TNN: variants seen among roughly 807,000 people sequenced by gnomAD.
TNN encodes tenascin N, also known as tenascin-N.
Under a neutral mutation model 134.4 loss-of-function variants are expected in TNN, and 122 were observed. The ratio of observed to expected loss-of-function variants is 0.91; its 90% confidence interval spans 0.78 to 1.06. The LOEUF (loss-of-function observed/expected upper bound fraction) is 1.06. Among genes scored for constraint, TNN ranks in the 50% least tolerant of loss-of-function variants. TNN has a pLI of 0.00. For synonymous variants in TNN, 710 were observed against 670.3 expected, an observed-to-expected ratio of 1.06 and a Z score of -0.91; for missense variants, 1,739 against 1,699.4, an observed-to-expected ratio of 1.02 and a Z score of -0.41.
rs780919757 is a variant in TNN at position 175,128,648 on chromosome 1, A to C, written c.3232A>C (p.Asn1078His). Residue 1078 changes from asparagine to histidine, a missense_variant, in exon 15 of 19, where the codon AAT becomes CAT. Coordinates refer to ENST00000239462, the MANE Select transcript of TNN (RefSeq NM_022093.2). ...CTGCAGTCAGGTTCAGCAGAACAGC[A>C]ATGCCGCCAGTGGTCTGTACACCAT... is the stretch of plus-strand genomic sequence containing the variant. ...SDCSQVQQNS[N>H]AASGLYTIYL... 153 of 1,613,892 alleles carry C rather than the reference A, an allele frequency of 9.5e-5. 1 individual carries two copies. The highest frequency in any genetic ancestry group is 1.2e-4 in the Non-Finnish European group (145 of 1,179,954).
At chr1:175,102,552 C>A (rs1674751593) in intron 9 of TNN, among the ~76,000 whole-genome samples, 1 of 145,946 alleles carries the variant, frequency 6.9e-6, no homozygotes, top group Admixed American at 6.9e-5. Context: ...GGGTGCTAAG[C>A]CCCTCACTGC....
intron 9 of TNN, 90 bp from the exon 10 acceptor site, chr1:175,116,849 A>G: frequency 6.4e-7 from 1 of 1,565,474 alleles, no homozygotes; most frequent in Non-Finnish European, 8.8e-7. Flanking sequence ...CCATAAGAAC[A>G]GGAAACTGCC....
Position 175,077,760 on chromosome 1 carries a change from G to A in TNN, c.342G>A (p.Lys114=). ...SVQDLLARVK[K]LEEEMVEMKE... ...AGGACCTCCTGGCCCGGGTGAAGAAGCTGGAGGAAGAGATGGTGGAGATGA... is the reference window on the plus strand; with the variant it reads ...AGGACCTCCTGGCCCGGGTGAAGAAACTGGAGGAAGAGATGGTGGAGATGA... Residue 114 remains lysine, a synonymous_variant, in exon 2 of 19, where the codon AAG becomes AAA. Coordinates refer to ENST00000239462, the MANE Select transcript of TNN (RefSeq NM_022093.2). 1.9e-6 allele frequency: 3 copies of A among 1,614,250 alleles called. No homozygotes were observed. The highest frequency in any genetic ancestry group is 2.5e-6 in the Non-Finnish European group (3 of 1,180,044).
At chr1:175,089,891 G>A (rs1674402989) in intron 6 of TNN, among the ~76,000 whole-genome samples, 1 of 152,074 alleles carries the variant, frequency 6.6e-6, no homozygotes, top group African/African-American at 2.4e-5. Flanking sequence ...ATTTGAAATG[G>A]CTTAGCCCCT....
At chr1:175,133,784 CAG>C (rs1675731582) in intron 15 of TNN, among the ~76,000 whole-genome samples, 1 of 152,178 alleles carries the variant, frequency 6.6e-6, no homozygotes, top group African/African-American at 2.4e-5. Context: ...TGAACAAACA[CAG>C]TGTATTTTTC....
At chr1:175,121,701 GGA>G (rs1675380897) in intron 11 of TNN, among the ~76,000 whole-genome samples, 4 of 151,546 alleles carry the variant, frequency 2.6e-5, no homozygotes, top group African/African-American at 9.7e-5. Flanking sequence ...TTTGAGGTAT[GGA>G]TGATAATACC....
intron 17 of TNN, 134 bp from the exon 18 acceptor site, chr1:175,144,253 C>T (rs768967505): frequency 1.1e-4 from 87 of 784,104 alleles, no homozygotes; most frequent in Non-Finnish European, 1.4e-4. Flanking sequence ...TTTGAGAGAG[C>T]GGTGACTACC....
At chr1:175,095,264 G>A (rs1359582640) in intron 7 of TNN, among the ~76,000 whole-genome samples, 1 of 152,140 alleles carries the variant, frequency 6.6e-6, no homozygotes, top group Non-Finnish European at 1.5e-5. Context: ...TCTGTTTAAA[G>A]TCAAAGTCAG....
intron 5 of TNN, 118 bp from the exon 6 acceptor site, chr1:175,085,287 T>A (rs1426984288): frequency 1.5e-6 from 1 of 677,070 alleles, no homozygotes; most frequent in Non-Finnish European, 2.7e-6. Flanking sequence ...GATTCATCTT[T>A]GGAGGAGGAA....
chr1:175,119,712 G>T (rs1280693982), intron 11 of TNN, among the ~76,000 whole-genome samples: 1 of 143,576 alleles, frequency 7.0e-6, no homozygotes. Flanking sequence ...TCGGCTCACT[G>T]CAAGCTCCGC....
intron 7 of TNN, 21 bp downstream of exon 7, chr1:175,094,274 T>A (rs374890524): frequency 6.5e-7 from 1 of 1,535,634 alleles, no homozygotes. Flanking sequence ...GACGGGAGCA[T>A]AAATAGGTTT....
chr1:175,085,340 G>T, intron 5 of TNN, 65 bp from the exon 6 acceptor site: 1 of 973,876 alleles, frequency 1.0e-6, no homozygotes, highest in Non-Finnish European at 1.6e-6. Context: ...TCCCAGGGAG[G>T]AGTAGTGCTG....
chr1:175,112,280 G>T (rs1412755725), intron 9 of TNN, among the ~76,000 whole-genome samples: 1 of 151,948 alleles, frequency 6.6e-6, no homozygotes, highest in Non-Finnish European at 1.5e-5. Flanking sequence ...TTTATGTGAT[G>T]TGTCACATTT....
At position 175,077,701 on chromosome 1, in the gene TNN, C is replaced by A. The variant is rs1300453542; in HGVS notation, c.283C>A (p.Pro95Thr). ...CAGGCACAACATCCGCCTTCAGACGCCACAGAAGGACTGCGAGTTGGCAGG... is the reference window on the plus strand; with the variant it reads ...CAGGCACAACATCCGCCTTCAGACGACACAGAAGGACTGCGAGTTGGCAGG... ...IFRHNIRLQT[P>T]QKDCELAGSV... Residue 95 changes from proline to threonine, a missense_variant, in exon 2 of 19, where the codon CCA (proline) becomes ACA (threonine). Pro to Thr is a conservative substitution (Grantham distance 38, BLOSUM62 -1). Transcript: ENST00000239462. 1 of 1,614,252 alleles carries A rather than the reference C, an allele frequency of 6.2e-7. No homozygotes were observed. Among genetic ancestry groups the A allele is most frequent in the Non-Finnish European group, 8.5e-7 (1 of 1,180,046 alleles).
chr1:175,071,442 T>C (rs776445788), intron 1 of TNN, among the ~76,000 whole-genome samples: 1 of 152,080 alleles, frequency 6.6e-6, no homozygotes, highest in Non-Finnish European at 1.5e-5. Context: ...TGGTGTTTCC[T>C]AGGAAGGGAA....
chr1:175,120,178 A>G (rs1286913450), intron 11 of TNN, among the ~76,000 whole-genome samples: 17 of 152,232 alleles, frequency 1.1e-4, no homozygotes, highest in Admixed American at 1.1e-3. Context: ...TTTAATGAGC[A>G]TCATCTAAGT....
chr1:175,077,492 C>A lies in TNN; in HGVS notation c.74C>A (p.Pro25Gln). 2 of 1,613,974 alleles carry A rather than the reference C, an allele frequency of 1.2e-6. No homozygotes were observed. The highest frequency in any genetic ancestry group is 1.7e-6 in the Non-Finnish European group (2 of 1,180,030). ...TCTGTGCTCCTGGTGGCTTCGGCCCCAGCCACTCTGGAGCCTCCCGGCTGC... is the reference window on the plus strand; with the variant it reads ...TCTGTGCTCCTGGTGGCTTCGGCCCAAGCCACTCTGGAGCCTCCCGGCTGC... The part of the protein sequence containing the change: ...LGSVLLVASA[P>Q]ATLEPPGCSN... Residue 25 changes from proline to glutamine, a missense_variant, in exon 2 of 19, where the codon CCA (proline) becomes CAA (glutamine). Coordinates refer to ENST00000239462, the MANE Select transcript of TNN (RefSeq NM_022093.2).
At chr1:175,116,755 C>A (rs1675188158) in intron 9 of TNN, among the ~76,000 whole-genome samples, 184 bp from the exon 10 acceptor site, 1 of 152,200 alleles carries the variant, frequency 6.6e-6, no homozygotes, top group East Asian at 1.9e-4. Flanking sequence ...CCTGTGCTGC[C>A]TTGTTGAAAA....
At chr1:175,140,172 T>C (rs916550783) in intron 17 of TNN, among the ~76,000 whole-genome samples, 1 of 152,226 alleles carries the variant, frequency 6.6e-6, no homozygotes, top group Non-Finnish European at 1.5e-5. Flanking sequence ...AGTACACACA[T>C]TCCAGTCTGT....
Sources: allele counts gnomAD v4.1 joint callset (sites outside exome capture counted in the v4.1 genomes callset), GRCh38; gene constraint gnomAD v4.1.1; transcripts MANE v1.5; gene names NCBI Gene and HGNC (gene_info 2026-07-23, HGNC 2026-07-21).